Variants in PTRH1 observed in about 807,000 individuals in gnomAD.
The protein encoded by PTRH1 is peptidyl-tRNA hydrolase 1 homolog, also known as peptidyl-tRNA hydrolase.
Under a neutral mutation model 15.7 loss-of-function variants are expected in PTRH1, and 13 were observed. The observed-to-expected ratio is 0.83, with a 90% CI of 0.54 to 1.31. The LOEUF (loss-of-function observed/expected upper bound fraction) is 1.31. Among genes scored for constraint, PTRH1 ranks in the 40% most tolerant of loss-of-function variants. The pLI is 0.00. For synonymous variants in PTRH1, 139 were observed against 136.7 expected (o/e 1.02, Z -0.12); for missense variants, 319 against 296.2 (o/e 1.08, Z -0.56).
At chr9:127,699,224 C>T (rs1842585290) in intron 1 of PTRH1, among the ~76,000 whole-genome samples, 1 of 152,208 alleles carries the variant, frequency 6.6e-6, no homozygotes, top group Non-Finnish European at 1.5e-5. Flanking sequence ...GCCAAAATGC[C>T]CAAGGAACCC....
At chr9:127,707,256 C>A in intron 1 of PTRH1, 1 of 1,568,086 alleles carries the variant, frequency 6.4e-7, no homozygotes, top group Non-Finnish European at 8.6e-7. Flanking sequence ...AGGTGGCCCC[C>A]ATGCAGGTTT....
rs911534896 is a variant in PTRH1 at position 127,705,734 on chromosome 9, G to C, written c.205+9701C>G. Among the ~76,000 whole-genome samples the C allele has an allele frequency of 6.6e-6, 1 of 152,222 alleles. No individual in the cohort carries two copies. The highest frequency in any genetic ancestry group is 6.5e-5 in the Admixed American group (1 of 15,288). On this transcript the variant is annotated intron_variant, in intron 1 of 2. Transcript: ENST00000335223. This position sits in a 1 kb window ranked among gnomAD's most constrained non-coding sequence, Gnocchi z 4.7. ...GGGGAGGGGGCAATGTCCAGCAGGA[G>C]CAGGGCCATCGCATTGAGCTGGAAG...
intron 1 of PTRH1, among the ~76,000 whole-genome samples, chr9:127,706,545 G>A (rs1430712058): frequency 1.3e-5 from 2 of 152,184 alleles, no homozygotes; most frequent in African/African-American, 4.8e-5. Flanking sequence ...TGGGGCTGGG[G>A]ATGGAGCTCA....
chr9:127,711,835 A>T, downstream of PTRH1: 2 of 1,569,928 alleles, frequency 1.3e-6, no homozygotes, highest in Non-Finnish European at 1.7e-6. Flanking sequence ...CCTCATGCTG[A>T]CTAAGAAGTG....
At chr9:127,714,492 C>T in intron 3 of PTRH1, 68 bp from the exon 4 acceptor site, 22 of 1,602,480 alleles carry the variant, frequency 1.4e-5, no homozygotes, top group Non-Finnish European at 1.8e-5. Context: ...CTCCCTGCCC[C>T]GGCTGGGTCA....
chr9:127,714,568 GC>G, intron 3 of PTRH1, 34 bp downstream of exon 3: 2 of 1,603,744 alleles, frequency 1.2e-6, no homozygotes, highest in Middle Eastern at 1.7e-4. Context: ...GAGGCCTGAA[GC>G]CCTATCCCAA....
chr9:127,711,711 C>CT, downstream of PTRH1: 1 of 1,315,760 alleles, frequency 7.6e-7, no homozygotes, highest in Non-Finnish European at 1.0e-6. Flanking sequence ...GAGTCCAGCC[C>CT]TGGAGAGCTC....
chr9:127,713,703 C>A, downstream of PTRH1: 1 of 675,964 alleles, frequency 1.5e-6, no homozygotes, highest in Non-Finnish European at 2.7e-6. Flanking sequence ...GACAGGGTTT[C>A]ACCATGTTGG....
Position 127,714,048 on chromosome 9 carries a change from G to A in PTRH1, c.*52C>T. 1 of 1,597,176 alleles carries A rather than the reference G, an allele frequency of 6.3e-7. No homozygotes were observed. Among genetic ancestry groups the A allele is most frequent in the Non-Finnish European group, 8.6e-7 (1 of 1,168,466 alleles). The stretch of plus-strand genomic sequence containing the variant: ...AGGCTGGCGTGGCAGCTCTGTGGCA[G>A]TGGCTGGGTTGGTGGGCACTACAGT... On this transcript the variant is annotated 3_prime_UTR_variant, in exon 5 of 5. Transcript: ENST00000543175.
intron 2 of PTRH1, among the ~76,000 whole-genome samples, chr9:127,694,380 C>T (rs568152466): frequency 6.6e-6 from 1 of 152,286 alleles, no homozygotes; most frequent in Admixed American, 6.5e-5. Context: ...ATCATCTGTC[C>T]CTCCAATCTC....
chr9:127,706,934 C>A, intron 1 of PTRH1: 2 of 1,456,818 alleles, frequency 1.4e-6, no homozygotes, highest in Non-Finnish European at 1.9e-6. Flanking sequence ...CCTTTAAGCC[C>A]AGCCTCACTC....
chr9:127,707,311 C>A, intron 1 of PTRH1: 1 of 1,073,238 alleles, frequency 9.3e-7, no homozygotes. Context: ...CCTGGGATGT[C>A]CAGACCCCAT....
At chr9:127,711,350 C>A (rs1254006368), downstream of PTRH1, 5 of 1,614,084 alleles carry the variant, frequency 3.1e-6, no homozygotes, top group Non-Finnish European at 4.2e-6. Context: ...CATTACCCTG[C>A]AGATGGCCAG....
intron 1 of PTRH1, among the ~76,000 whole-genome samples, chr9:127,700,603 A>G (rs1020682108): frequency 3.9e-5 from 6 of 152,238 alleles, no homozygotes; most frequent in African/African-American, 1.4e-4. Flanking sequence ...AATAGAGAAC[A>G]TAAGACTGGC....
In PTRH1 at chr9:127,705,525, G is replaced by A. The variant is rs996173336; in HGVS notation, c.205+9910C>T. 1.3e-5 allele frequency among the ~76,000 whole-genome samples: 2 copies of A among 152,260 alleles called. No individual in the cohort carries two copies. The highest frequency in any genetic ancestry group is 4.8e-5 in the African/African-American group (2 of 41,478). ...GCAGGTCTCCAAGCTGACACCCTCT[G>A]TGGGCTCCAGGCTGCCCGAGGGGCT... On this transcript the variant is annotated intron_variant, in intron 1 of 2. Coordinates refer to the PTRH1 transcript ENST00000335223. This position sits in a 1 kb window ranked among gnomAD's most constrained non-coding sequence, Gnocchi z 4.7.
At chr9:127,712,544 G>A, downstream of PTRH1, 1 of 1,519,204 alleles carries the variant, frequency 6.6e-7, no homozygotes, top group Non-Finnish European at 8.8e-7. Context: ...TTCCTTCTCT[G>A]AGGCTCTGAA....
downstream of PTRH1, chr9:127,711,706 C>A: frequency 1.6e-6 from 2 of 1,278,718 alleles, no homozygotes; most frequent in Non-Finnish European, 2.1e-6. Context: ...AAGCAGAGTC[C>A]AGCCCTGGAG....
chr9:127,714,772 G>T, intron 2 of PTRH1, 70 bp from the exon 3 acceptor site: 1 of 1,327,580 alleles, frequency 7.5e-7, no homozygotes, highest in Non-Finnish European at 1.1e-6. Flanking sequence ...CGACTCCCAT[G>T]ATGAGGGACC....
chr9:127,712,434 A>C (rs866613068), downstream of PTRH1: 14 of 1,531,130 alleles, frequency 9.1e-6, no homozygotes, highest in African/African-American at 1.4e-4. Flanking sequence ...GGGCTGCCTC[A>C]GGATCAGAGG....
Sources: gnomAD v4.1 joint callset for allele counts (sites outside exome capture counted in the v4.1 genomes callset) on GRCh38, gnomAD v4.1.1 for gene constraint, Gnocchi (gnomAD v3.1) non-coding constraint, MANE v1.5 for transcripts, NCBI Gene and HGNC (gene_info 2026-07-23, HGNC 2026-07-21) for gene names.